The following RAB11B variants were observed in gnomAD, a reference collection of about 807,000 sequenced individuals.
RAB11B encodes RAB11B, member RAS oncogene family.
In RAB11B, 7 loss-of-function variants were observed where a neutral mutation model predicts 23.7. That is an observed-to-expected ratio of 0.29 (90% CI 0.17 to 0.55). RAB11B has a LOEUF of 0.55. Among genes scored for constraint, RAB11B ranks in the 20% least tolerant of loss-of-function variants. The pLI, the probability that RAB11B is intolerant of heterozygous loss-of-function variation, is 0.93. For synonymous variants in RAB11B, 138 were observed against 132.0 expected, an observed-to-expected ratio of 1.05 and a Z score of -0.31; for missense variants, 189 against 320.0, an observed-to-expected ratio of 0.59 and a Z score of 3.12.
At position 8,392,685 on chromosome 19, in the gene RAB11B, C is replaced by CTTTTTTTTTTTTTTT. The variant is rs74176644; in HGVS notation, c.40+2237_40+2251dup. The stretch of plus-strand genomic sequence containing the variant: ...ATATTTTTCTTTTCCTTTTTCTTTT[C>CTTTTTTTTTTTTTTT]TTTTTTTTTTTTTTTTTTTTTTGAG... On this transcript the variant is annotated intron_variant, in intron 1 of 4. Transcript: ENST00000328024. Among the ~76,000 whole-genome samples the CTTTTTTTTTTTTTTT allele has an allele frequency of 4.1e-3, 324 of 79,614 alleles. 9 individuals carry two copies. The highest frequency in any genetic ancestry group is 4.7e-3 in the Admixed American group (25 of 5,308). 52.2% of individuals were successfully genotyped at this position (79,614 alleles called of 152,430 possible).
Position 8,400,023 on chromosome 19 carries a change from C to T in RAB11B, c.201C>T (p.Thr67=), listed in dbSNP as rs750116460. The change falls in exon 2 of 5, where the codon ACC becomes ACT. Residue 67 remains threonine (T), a synonymous_variant. Transcript: ENST00000328024. ...GKTIKAQIWD[T]AGQERYRAIT... ...CCATCAAGGCGCAGATCTGGGACAC[C>T]GCTGGCCAGGAGCGCTACCGCGCCA... 2.6e-5 allele frequency: 42 copies of T among 1,614,000 alleles called. 1 individual carries two copies. The Middle Eastern group carries it at 3.3e-3, about 126-fold the overall frequency.
At chr19:8,399,748 T>G (rs1311606644) in intron 1 of RAB11B, 115 bp from the exon 2 acceptor site, 27 of 1,193,106 alleles carry the variant, frequency 2.3e-5, no homozygotes, top group South Asian at 7.2e-5. Flanking sequence ...ATCTCTCGAC[T>G]CCTCCACACC....
At chr19:8,390,650 G>A (rs1168881782) in intron 1 of RAB11B, 194 bp downstream of exon 1, 2 of 530,154 alleles carry the variant, frequency 3.8e-6, no homozygotes, top group African/African-American at 2.0e-5. Flanking sequence ...ATACGGAGCC[G>A]GAGGCCCGGA....
At chr19:8,392,269 C>T (rs1971361068) in intron 1 of RAB11B, among the ~76,000 whole-genome samples, 1 of 152,164 alleles carries the variant, frequency 6.6e-6, no homozygotes, top group African/African-American at 2.4e-5. Flanking sequence ...TGACCCAGCT[C>T]CGAGTGCTTG....
In RAB11B at chr19:8,403,591, C is replaced by G. The variant is rs548496605; in HGVS notation, c.*33C>G. On this transcript the variant is annotated 3_prime_UTR_variant, in exon 5 of 5. Transcript: ENST00000328024. ...GCCTCCACCCAGCGTGCGTGCACGT[C>G]CTCCGCCCGCCCCCGCCACGGTATC... 1 of 1,583,946 alleles carries G rather than the reference C, an allele frequency of 6.3e-7. No individual in the cohort carries two copies. Among genetic ancestry groups the G allele is most frequent in the East Asian group, 2.3e-5 (1 of 44,380 alleles).
chr19:8,400,023 C>A lies in RAB11B; in HGVS notation c.201C>A (p.Thr67=). 6.2e-7 allele frequency: 1 copy of A among 1,614,118 alleles called. No homozygotes were observed. The highest frequency in any genetic ancestry group is 8.5e-7 in the Non-Finnish European group (1 of 1,179,974). Residue 67 remains threonine, a synonymous_variant, in exon 2 of 5, where the codon ACC becomes ACA. Coordinates refer to ENST00000328024, the MANE Select transcript of RAB11B (RefSeq NM_004218.4). ...CCATCAAGGCGCAGATCTGGGACAC[C>A]GCTGGCCAGGAGCGCTACCGCGCCA... ...GKTIKAQIWD[T]AGQERYRAIT... is the part of the protein sequence containing the mutation.
At position 8,399,912 on chromosome 19, in the gene RAB11B, C is replaced by T; in HGVS notation, c.90C>T (p.Arg30=). The part of the protein sequence containing the change: ...SGVGKSNLLS[R]FTRNEFNLES... ...TGGGCAAGAGCAACCTGCTGTCGCG[C>T]TTCACCCGCAACGAGTTCAACCTGG... Residue 30 remains arginine (R), a synonymous_variant, in exon 2 of 5, where the codon CGC becomes CGT. Transcript: ENST00000328024. 6.2e-7 allele frequency: 1 copy of T among 1,614,232 alleles called. No individual in the cohort carries two copies. Among genetic ancestry groups the T allele is most frequent in the Non-Finnish European group, 8.5e-7 (1 of 1,180,026 alleles).
In RAB11B at chr19:8,400,395, C is replaced by G. The variant is rs539665106; in HGVS notation, c.236+337C>G. ...ACTGGTGCCCACACCTGGTCCCACACGCCTCCTGTCCTCCCACCTGGGCCT... is the reference window on the plus strand; with the variant it reads ...ACTGGTGCCCACACCTGGTCCCACAGGCCTCCTGTCCTCCCACCTGGGCCT... On this transcript the variant is annotated intron_variant, in intron 2 of 4. Coordinates refer to ENST00000328024, the MANE Select transcript of RAB11B (RefSeq NM_004218.4). 35 of 343,540 alleles carry G rather than the reference C, an allele frequency of 1.0e-4. No homozygotes were observed. The Middle Eastern group carries it at 2.7e-3, about 27-fold the overall frequency. The allele number at this position is 343,540 out of a possible 1,614,324, so 21.3% of individuals were successfully genotyped here. A position where few individuals can be genotyped will look rare whatever the true frequency, so the allele number is the denominator to read the frequency against.
chr19:8,402,333 C>T (rs1028721106), intron 3 of RAB11B, 54 bp downstream of exon 3: 9 of 1,531,204 alleles, frequency 5.9e-6, no homozygotes, highest in Non-Finnish European at 7.0e-6. Context: ...CAGGAGGCCC[C>T]TCACAGTGTT....
chr19:8,394,022 C>A (rs970241262), intron 1 of RAB11B, among the ~76,000 whole-genome samples: 10 of 152,210 alleles, frequency 6.6e-5, no homozygotes, highest in African/African-American at 1.9e-4. Flanking sequence ...CTCAAGGGCT[C>A]TTTATTTCCC....
chr19:8,399,776 T>G, intron 1 of RAB11B, 87 bp from the exon 2 acceptor site: 1 of 1,485,678 alleles, frequency 6.7e-7, no homozygotes, highest in Non-Finnish European at 9.2e-7. Context: ...GCCGCGTTGG[T>G]GCAGCACCCA....
rs998268022 is a variant in RAB11B at position 8,403,401 on chromosome 19, C to T, written c.512-12C>T. 1.2e-6 allele frequency: 2 copies of T among 1,606,572 alleles called. No homozygotes were observed. The highest frequency in any genetic ancestry group is 1.7e-6 in the Non-Finnish European group (2 of 1,174,716). ...CTGGCTCACCCCACGTCCCCCTGTA[C>T]CCCCTTTGCAGAGATCTACCGCATC... On this transcript the variant is annotated splice_polypyrimidine_tract_variant and intron_variant, in intron 4 of 4. Transcript: ENST00000328024.
chr19:8,394,650 G>A (rs1250291154), intron 1 of RAB11B, among the ~76,000 whole-genome samples: 2 of 152,214 alleles, frequency 1.3e-5, no homozygotes, highest in African/African-American at 4.8e-5. Flanking sequence ...AACTGATGGG[G>A]CTGGGTGCCA....
At position 8,396,522 on chromosome 19, in the gene RAB11B, G is replaced by A. The variant is rs1837646804; in HGVS notation, c.41-3341G>A. Among the ~76,000 whole-genome samples, 1 of 152,144 alleles carries A rather than the reference G, an allele frequency of 6.6e-6. No individual in the cohort carries two copies. Among genetic ancestry groups the A allele is most frequent in the Admixed American group, 6.5e-5 (1 of 15,268 alleles). On this transcript the variant is annotated intron_variant, in intron 1 of 4. Coordinates refer to ENST00000328024, the MANE Select transcript of RAB11B (RefSeq NM_004218.4). This position sits in a 1 kb window ranked among gnomAD's most constrained non-coding sequence, Gnocchi z 5.0. ...AGTAGAGTTTTAGTAGCATAGCAGG[G>A]AGGGCCTTCTTGGCCAAGTGGCATT...
At chr19:8,397,505 G>T (rs1333423614) in intron 1 of RAB11B, among the ~76,000 whole-genome samples, 1 of 152,046 alleles carries the variant, frequency 6.6e-6, no homozygotes. Context: ...GGGGAGTGGG[G>T]GTAGCTGAGG....
chr19:8,401,859 T>C (rs981557902), intron 2 of RAB11B, among the ~76,000 whole-genome samples: 3 of 152,222 alleles, frequency 2.0e-5, no homozygotes, highest in African/African-American at 7.2e-5. Context: ...CGGTATCTTC[T>C]ATTTCCAGCT....
At position 8,402,544 on chromosome 19, in the gene RAB11B, G is replaced by A; in HGVS notation, c.490G>A (p.Ala164Thr). 6.2e-7 allele frequency: 1 copy of A among 1,613,800 alleles called. No individual in the cohort carries two copies. ...CTTGGATTCCACTAACGTAGAGGAA[G>A]CATTCAAGAACATCCTCACAGGTGG... Reference protein sequence around the residue: ...SALDSTNVEEAFKNILTEIYR... With the variant: ...SALDSTNVEETFKNILTEIYR... Residue 164 changes from alanine (A) to threonine (T), a missense_variant, in exon 4 of 5, where the codon GCA becomes ACA. Ala to Thr is a moderately conservative substitution (Grantham distance 58, BLOSUM62 0). Transcript: ENST00000328024.
chr19:8,401,759 T>C (rs1029361866), intron 2 of RAB11B, among the ~76,000 whole-genome samples: 1 of 151,800 alleles, frequency 6.6e-6, no homozygotes, highest in African/African-American at 2.4e-5. Flanking sequence ...CAGCCTCAAG[T>C]GATCCACCCG....
At chr19:8,401,326 C>T (rs543710422) in intron 2 of RAB11B, among the ~76,000 whole-genome samples, 21 of 150,860 alleles carry the variant, frequency 1.4e-4, no homozygotes, top group South Asian at 8.4e-4. Context: ...ATGATCTGCC[C>T]GCCTCGGCCT....
Sources: gnomAD v4.1 joint callset for allele counts (sites outside exome capture counted in the v4.1 genomes callset) on GRCh38, gnomAD v4.1.1 for gene constraint, Gnocchi (gnomAD v3.1) non-coding constraint, MANE v1.5 for transcripts, NCBI Gene and HGNC (gene_info 2026-07-23, HGNC 2026-07-21) for gene names.